Variants in ARHGAP5 observed in about 807,000 individuals in gnomAD.
ARHGAP5 encodes the protein rho GTPase-activating protein 5.
A neutral mutation model predicts 116.6 loss-of-function variants in ARHGAP5; 23 were observed. The observed-to-expected ratio is 0.20, with a 90% CI of 0.14 to 0.28. ARHGAP5 has a LOEUF of 0.28. Among genes scored for constraint, ARHGAP5 ranks in the 10% least tolerant of loss-of-function variants. The pLI is 1.00. For missense variants in ARHGAP5, 1,405 were observed against 1,774.8 expected (o/e 0.79, Z 3.74); for synonymous variants, 574 against 602.0 (o/e 0.95, Z 0.68).
chr14:32,090,732 T>C lies in ARHGAP5; in HGVS notation c.63T>C (p.Ser21=). 1 of 1,613,546 alleles carries C rather than the reference T, an allele frequency of 6.2e-7. No individual in the cohort carries two copies. The highest frequency in any genetic ancestry group is 2.2e-5 in the East Asian group (1 of 44,870). ...ATACCATCAGTATAGTTGGACTCTC[T>C]GGGACTGAAAAAGACAAAGGTAACT... ...PSYTISIVGL[S]GTEKDKGNCG... Residue 21 remains serine (S), a synonymous_variant, in exon 2 of 7, where the codon TCT becomes TCC. Transcript: ENST00000345122.
intron 2 of ARHGAP5, among the ~76,000 whole-genome samples, chr14:32,104,575 T>C (rs1878927573): frequency 6.6e-6 from 1 of 152,118 alleles, no homozygotes; most frequent in Admixed American, 6.6e-5. Flanking sequence ...ACCTTTAGAG[T>C]GCTGGGTCCC....
intron 4 of ARHGAP5, among the ~76,000 whole-genome samples, chr14:32,147,002 CTG>C (rs1881408802): frequency 6.6e-6 from 1 of 152,168 alleles, no homozygotes. Context: ...AAATAAAAGA[CTG>C]TGACTGAACC....
At chr14:32,096,300 T>C (rs959326531) in intron 2 of ARHGAP5, among the ~76,000 whole-genome samples, 5 of 152,356 alleles carry the variant, frequency 3.3e-5, no homozygotes, top group Non-Finnish European at 7.4e-5. Context: ...CTAATTACAG[T>C]ATTAGTATAA....
chr14:32,087,905 T>G (rs990931065), intron 1 of ARHGAP5, among the ~76,000 whole-genome samples: 1 of 152,080 alleles, frequency 6.6e-6, no homozygotes, highest in Non-Finnish European at 1.5e-5. Context: ...TAGTTTTATT[T>G]CTGTCAAAAA....
intron 2 of ARHGAP5, among the ~76,000 whole-genome samples, chr14:32,105,361 C>T (rs549890923): frequency 5.3e-5 from 8 of 151,972 alleles, no homozygotes; most frequent in Admixed American, 1.3e-4. Context: ...GTGTTGCTTC[C>T]GTTCCATTTT....
At chr14:32,116,945 T>C (rs959583117) in intron 2 of ARHGAP5, among the ~76,000 whole-genome samples, 195 bp from the exon 3 acceptor site, 2 of 152,218 alleles carry the variant, frequency 1.3e-5, no homozygotes, top group African/African-American at 4.8e-5. Context: ...AAGCCATTTT[T>C]TTTTCTGTTC....
chr14:32,127,363 A>C (rs1397255262), intron 3 of ARHGAP5, among the ~76,000 whole-genome samples: 1 of 152,010 alleles, frequency 6.6e-6, no homozygotes, highest in Non-Finnish European at 1.5e-5. Flanking sequence ...GAGATTAGGG[A>C]GTGGTGATGA....
At position 32,090,727 on chromosome 14, in the gene ARHGAP5, C is replaced by T. The variant is rs1472028892; in HGVS notation, c.58C>T (p.Leu20Phe). 5.6e-6 allele frequency: 9 copies of T among 1,613,404 alleles called. No homozygotes were observed. The highest frequency in any genetic ancestry group is 5.9e-6 in the Non-Finnish European group (7 of 1,179,538). ...PPSYTISIVG[L>F]SGTEKDKGNC... ...ATCCTATACCATCAGTATAGTTGGA[C>T]TCTCTGGGACTGAAAAAGACAAAGG... The change falls in exon 2 of 7, where the codon CTC (leucine) becomes TTC (phenylalanine). Residue 20 changes from leucine to phenylalanine, a missense_variant. Leu to Phe is a conservative substitution (Grantham distance 22, BLOSUM62 0). This residue lies in a region of ARHGAP5 where 190 missense variants were observed against 314.9 expected (regional missense o/e 0.60). Transcript: ENST00000345122.
chr14:32,118,950 T>G (rs894293938), intron 3 of ARHGAP5, among the ~76,000 whole-genome samples: 4 of 152,160 alleles, frequency 2.6e-5, no homozygotes, highest in Non-Finnish European at 4.4e-5. Context: ...GAATTCCAAA[T>G]ATAGGATAAA....
chr14:32,130,602 G>T (rs988898829), intron 3 of ARHGAP5, among the ~76,000 whole-genome samples: 1 of 151,810 alleles, frequency 6.6e-6, no homozygotes, highest in South Asian at 2.1e-4. Context: ...GTGCAGTGGC[G>T]CGATCTCAGC....
intron 3 of ARHGAP5, among the ~76,000 whole-genome samples, chr14:32,136,705 A>G (rs1335688397): frequency 6.6e-6 from 1 of 152,202 alleles, no homozygotes; most frequent in Non-Finnish European, 1.5e-5. Context: ...CAGCAGCTAC[A>G]CTATTTTACA....
chr14:32,145,897 A>G (rs1881354963), intron 3 of ARHGAP5, among the ~76,000 whole-genome samples: 1 of 152,190 alleles, frequency 6.6e-6, no homozygotes, highest in Non-Finnish European at 1.5e-5. Flanking sequence ...AATTGTACAT[A>G]AGATTAAGTA....
At chr14:32,111,558 C>T (rs776460523) in intron 2 of ARHGAP5, among the ~76,000 whole-genome samples, 2 of 151,978 alleles carry the variant, frequency 1.3e-5, no homozygotes, top group African/African-American at 4.8e-5. Flanking sequence ...GAGGAATTGG[C>T]GACATCTTCT....
At chr14:32,101,983 G>GA (rs1345724721) in intron 2 of ARHGAP5, among the ~76,000 whole-genome samples, 151 of 145,612 alleles carry the variant, frequency 1.0e-3, no homozygotes, top group African/African-American at 2.8e-3. Context: ...ACTCCAAAAA[G>GA]AAAAAAAAAA....
rs952734031 is a variant in ARHGAP5, at chr14:32,158,017, G to A, written c.*3069G>A. The A allele has an allele frequency of 1.3e-5, 2 of 151,574 alleles. No homozygotes were observed. Among genetic ancestry groups the A allele is most frequent in the African/African-American group, 4.8e-5 (2 of 41,378 alleles). The allele number at this position is 151,574 out of a possible 1,614,324, so 9.4% of individuals were successfully genotyped here. ...ATTTTAAAAAGTCAAAAGTGCTTTT[G>A]TTTCTTTGTTTAATGTAATTTTTGT... On this transcript the variant is annotated 3_prime_UTR_variant, in exon 7 of 7. Transcript: ENST00000345122.
intron 3 of ARHGAP5, among the ~76,000 whole-genome samples, chr14:32,127,813 G>A (rs561244835): frequency 4.6e-5 from 7 of 150,598 alleles, no homozygotes; most frequent in South Asian, 4.2e-4. Context: ...CCTCCCAGAC[G>A]GGGTGGCCGG....
chr14:32,130,476 C>T (rs1049264357), intron 3 of ARHGAP5, among the ~76,000 whole-genome samples: 2 of 151,644 alleles, frequency 1.3e-5, no homozygotes, highest in Non-Finnish European at 2.9e-5. Flanking sequence ...TCCACCTCGG[C>T]CTCCCAAGGT....
Position 32,154,964 on chromosome 14 carries a change from A to C in ARHGAP5, c.*16A>C. 6.2e-7 allele frequency: 1 copy of C among 1,600,768 alleles called. No homozygotes were observed. The highest frequency in any genetic ancestry group is 8.5e-7 in the Non-Finnish European group (1 of 1,170,870). On this transcript the variant is annotated 3_prime_UTR_variant, in exon 7 of 7. Coordinates refer to ENST00000345122, the MANE Select transcript of ARHGAP5 (RefSeq NM_001030055.2). ...TATTATATGAGTAGGAAGTGATTGC[A>C]AACAGGCTGGATTTGGACAAAAAGC...
At chr14:32,122,687 G>A (rs1318909289) in intron 3 of ARHGAP5, among the ~76,000 whole-genome samples, 1 of 152,118 alleles carries the variant, frequency 6.6e-6, no homozygotes, top group Non-Finnish European at 1.5e-5. Flanking sequence ...TAATTTTTGT[G>A]TGTGGTTTAA....
Sources: gnomAD v4.1 joint callset for allele counts (sites outside exome capture counted in the v4.1 genomes callset) on GRCh38, gnomAD v4.1.1 for gene constraint, gnomAD v4.1.1 regional missense constraint, MANE v1.5 for transcripts, NCBI Gene and HGNC (gene_info 2026-07-23, HGNC 2026-07-21) for gene names.